The following DEXI variants were observed in gnomAD, a reference collection of about 807,000 sequenced individuals.
DEXI encodes dexamethasone-induced protein.
In DEXI, 2 loss-of-function variants were observed where a neutral mutation model predicts 2.5. That is an observed-to-expected ratio of 0.81 (90% CI 0.33 to 2.55). DEXI has a LOEUF of 2.55. Among genes scored for constraint, DEXI ranks in the 30% most tolerant of loss-of-function variants. DEXI has a pLI of 0.11. For synonymous variants in DEXI, 71 were observed against 68.7 expected (o/e 1.03, Z -0.17); for missense variants, 108 against 130.3 (o/e 0.83, Z 0.83).
rs1177393011 is a variant in DEXI, at chr16:10,937,833, C to G, written c.*149+3736G>C. On this transcript the variant is annotated intron_variant, in intron 1 of 1. Transcript: ENST00000331808. This position sits in a 1 kb window ranked among gnomAD's most constrained non-coding sequence, Gnocchi z 4.2. Reference sequence around the variant, plus strand: ...AACAATTAACACTCTAGGAAAACCACAGAGCCGGCTATCCAGGGTTCTGGT... The same window carrying G: ...AACAATTAACACTCTAGGAAAACCAGAGAGCCGGCTATCCAGGGTTCTGGT... 1.3e-5 allele frequency: 2 copies of G among 152,208 alleles called. No homozygotes were observed. The highest frequency in any genetic ancestry group is 1.3e-4 in the Admixed American group (2 of 15,280). 9.4% of individuals were successfully genotyped at this position (152,208 alleles called of 1,614,324 possible).
In DEXI at chr16:10,941,917, T is replaced by G. The variant is rs766875241; in HGVS notation, c.89A>C (p.Tyr30Ser). Residue 30 changes from tyrosine (Y) to serine (S), a missense_variant, in exon 1 of 2, where the codon TAC (tyrosine) becomes TCC (serine). Tyr to Ser is a moderately radical substitution (Grantham distance 144, BLOSUM62 -2). Coordinates refer to ENST00000331808, the MANE Select transcript of DEXI (RefSeq NM_014015.4). This position sits in a 1 kb window ranked among gnomAD's most constrained non-coding sequence, Gnocchi z 6.4. ...CACATTGACGAAGAACAGGCCCACGTAGAACATAGAGGGCAGCAGCGGCGG... is the reference window on the plus strand; with the variant it reads ...CACATTGACGAAGAACAGGCCCACGGAGAACATAGAGGGCAGCAGCGGCGG... ...VPPPLLPSMF[Y>S]VGLFFVNVLI... is the part of the protein sequence containing the mutation. 1 of 1,604,792 alleles carries G rather than the reference T, an allele frequency of 6.2e-7. No homozygotes were observed. The highest frequency in any genetic ancestry group is 1.7e-5 in the Admixed American group (1 of 58,664).
Position 10,941,025 on chromosome 16 carries a change from AG to A in DEXI, c.*149+543del, listed in dbSNP as rs774166604. The A allele has an allele frequency of 6.6e-6, 1 of 152,246 alleles. No individual in the cohort carries two copies. The highest frequency in any genetic ancestry group is 1.5e-5 in the Non-Finnish European group (1 of 68,068). The allele number at this position is 152,246 out of a possible 1,614,324, so 9.4% of individuals were successfully genotyped here. A position where few individuals can be genotyped will look rare whatever the true frequency, so the allele number is the denominator to read the frequency against. On this transcript the variant is annotated intron_variant, in intron 1 of 1. Transcript: ENST00000331808. The surrounding 1 kb of genome is among the most constrained non-coding windows in gnomAD (Gnocchi z 6.4). ...AAATAGCAGCAAACCCAAGGCCAAA[AG>A]GAAGTACGGGCTTCTTTGCTTGCGA... is the stretch of plus-strand genomic sequence containing the variant.
At chr16:10,932,842 C>T (rs1335281063) in intron 1 of DEXI, 2 of 151,978 alleles carry the variant, frequency 1.3e-5, no homozygotes, top group Non-Finnish European at 2.9e-5. Context: ...CGCATGTCAC[C>T]ATGCCTGGCT....
At chr16:10,936,733 A>G (rs1440725947) in intron 1 of DEXI, 2 of 152,200 alleles carry the variant, frequency 1.3e-5, no homozygotes, top group Admixed American at 1.3e-4. Flanking sequence ...CACCCCTCAA[A>G]CCCTCAGTGC....
At chr16:10,936,608 G>A (rs1394626579) in intron 1 of DEXI, 1 of 152,190 alleles carries the variant, frequency 6.6e-6, no homozygotes, top group Non-Finnish European at 1.5e-5. Context: ...AGAGGTTTTT[G>A]TTTGTTTGTT....
In DEXI at chr16:10,940,023, C is replaced by G. The variant is rs2041080012; in HGVS notation, c.*149+1546G>C. 6.6e-6 allele frequency: 1 copy of G among 152,274 alleles called. No homozygotes were observed. Among genetic ancestry groups the G allele is most frequent in the African/African-American group, 2.4e-5 (1 of 41,464 alleles). The allele number at this position is 152,274 out of a possible 1,614,324, so 9.4% of individuals were successfully genotyped here. ...GCAGAGCACCTGGCACACACTCCCC[C>G]TGGCACTTGGTTCTCGCTAAGATGT... On this transcript the variant is annotated intron_variant, in intron 1 of 1. Coordinates refer to ENST00000331808, the MANE Select transcript of DEXI (RefSeq NM_014015.4). This position sits in a 1 kb window ranked among gnomAD's most constrained non-coding sequence, Gnocchi z 4.2.
rs1226856347 is a variant in DEXI, at chr16:10,941,468, G to A, written c.*149+101C>T. 1 of 1,202,610 alleles carries A rather than the reference G, an allele frequency of 8.3e-7. No homozygotes were observed. Among genetic ancestry groups the A allele is most frequent in the Non-Finnish European group, 1.1e-6 (1 of 927,136 alleles). 74.5% of individuals were successfully genotyped at this position (1,202,610 alleles called of 1,614,324 possible). On this transcript the variant is annotated intron_variant, in intron 1 of 1. Coordinates refer to ENST00000331808, the MANE Select transcript of DEXI (RefSeq NM_014015.4). This position sits in a 1 kb window ranked among gnomAD's most constrained non-coding sequence, Gnocchi z 6.4. The stretch of plus-strand genomic sequence containing the variant: ...GTTAGACCTGGAGGAGGTGAACGGA[G>A]GAGAAGCCTGAGGGAGGGGTGTGTA...
intron 1 of DEXI, chr16:10,930,268 A>G (rs182916061): frequency 6.6e-6 from 1 of 152,352 alleles, no homozygotes; most frequent in East Asian, 1.9e-4. Context: ...CATCTCGCAG[A>G]ACTTGTATGT....
Position 10,940,958 on chromosome 16 carries a change from C to G in DEXI, c.*149+611G>C, listed in dbSNP as rs2041094905. 6.6e-6 allele frequency: 1 copy of G among 152,218 alleles called. No homozygotes were observed. The highest frequency in any genetic ancestry group is 2.4e-5 in the African/African-American group (1 of 41,446). The allele number at this position is 152,218 out of a possible 1,614,324, so 9.4% of individuals were successfully genotyped here. A position where few individuals can be genotyped will look rare whatever the true frequency, so the allele number is the denominator to read the frequency against. ...AACTGGCAGCCCCTGCAGTTCTGAG[C>G]TGCAGAACTGATGAGCTGGGGCACC... On this transcript the variant is annotated intron_variant, in intron 1 of 1. Transcript: ENST00000331808. The surrounding 1 kb of genome is among the most constrained non-coding windows in gnomAD (Gnocchi z 4.2).
chr16:10,936,740 G>A (rs1231167953), intron 1 of DEXI: 1 of 152,232 alleles, frequency 6.6e-6, no homozygotes, highest in Admixed American at 6.5e-5. Context: ...CAAACCCTCA[G>A]TGCTGTGGCC....
At chr16:10,930,477 G>A (rs1253826516) in intron 1 of DEXI, 1 of 152,164 alleles carries the variant, frequency 6.6e-6, no homozygotes, top group African/African-American at 2.4e-5. Context: ...GTCGACCTAA[G>A]GGGGCGGAAC....
At chr16:10,933,139 T>G (rs2040870672) in intron 1 of DEXI, 1 of 152,164 alleles carries the variant, frequency 6.6e-6, no homozygotes, top group Non-Finnish European at 1.5e-5. Context: ...GCCACTAGAT[T>G]TTTTTCCCCC....
At chr16:10,935,249 G>C (rs1488972252) in intron 1 of DEXI, 1 of 152,222 alleles carries the variant, frequency 6.6e-6, no homozygotes, top group African/African-American at 2.4e-5. Context: ...AAGTAACAAG[G>C]AATCACATAT....
chr16:10,931,504 T>A (rs2040793150), intron 1 of DEXI: 1 of 152,216 alleles, frequency 6.6e-6, no homozygotes, highest in South Asian at 2.1e-4. Flanking sequence ...ATCTGTAGGG[T>A]TACCTTCTAT....
rs114783216 is a variant in DEXI at position 10,940,194 on chromosome 16, A to G, written c.*149+1375T>C. 1.1e-3 allele frequency: 165 copies of G among 152,266 alleles called. No homozygotes were observed. The highest frequency in any genetic ancestry group is 3.7e-3 in the African/African-American group (155 of 41,536). 9.4% of individuals were successfully genotyped at this position (152,266 alleles called of 1,614,324 possible). ...CAGACTCAATGTTTGTGTCTCCTCA[A>G]ACTTCATATGTTGAAACTCTGATCC... On this transcript the variant is annotated intron_variant, in intron 1 of 1. Coordinates refer to ENST00000331808, the MANE Select transcript of DEXI (RefSeq NM_014015.4). The surrounding 1 kb of genome is among the most constrained non-coding windows in gnomAD (Gnocchi z 4.2).
At position 10,941,983 on chromosome 16, in the gene DEXI, G is replaced by A. The variant is rs748934755; in HGVS notation, c.23C>T (p.Ala8Val). 1.5e-5 allele frequency: 22 copies of A among 1,492,288 alleles called. No homozygotes were observed. The South Asian group carries it at 2.7e-4, about 18-fold the overall frequency. 92.4% of individuals were successfully genotyped at this position (1,492,288 alleles called of 1,614,324 possible). A position where few individuals can be genotyped will look rare whatever the true frequency, so the allele number is the denominator to read the frequency against. The stretch of plus-strand genomic sequence containing the variant: ...CAGGGGGCCCAGTGCGTCCAGGTGG[G>A]CCGCGACCCGGGCGCCGAGCATGCA... MLGARVA[A>V]HLDALGPLVP... The change falls in exon 1 of 2, where the codon GCC becomes GTC. Residue 8 changes from alanine to valine, a missense_variant. Physicochemically the swap from Ala to Val is moderately conservative, Grantham distance 64 (BLOSUM62 0). Coordinates refer to ENST00000331808, the MANE Select transcript of DEXI (RefSeq NM_014015.4). This position sits in a 1 kb window ranked among gnomAD's most constrained non-coding sequence, Gnocchi z 6.4.
In DEXI at chr16:10,929,247, G is replaced by T. The variant is rs977268740; in HGVS notation, c.*462C>A. The T allele has an allele frequency of 9.1e-6, 9 of 985,818 alleles. No individual in the cohort carries two copies. The African/African-American group carries it at 1.6e-4, about 17-fold the overall frequency. The allele number at this position is 985,818 out of a possible 1,614,324, so 61.1% of individuals were successfully genotyped here. On this transcript the variant is annotated 3_prime_UTR_variant, in exon 2 of 2. Coordinates refer to ENST00000331808, the MANE Select transcript of DEXI (RefSeq NM_014015.4). The surrounding 1 kb of genome is among the most constrained non-coding windows in gnomAD (Gnocchi z 4.3). ...ACGGAGCTGGGAGTCGCTTTTGCGT[G>T]TGTCCGCAGTTTGAAGTGTCCTCTC...
rs2040947456 is a variant in DEXI at position 10,934,611 on chromosome 16, G to A, written c.*150-5052C>T. 1 of 152,220 alleles carries A rather than the reference G, an allele frequency of 6.6e-6. No homozygotes were observed. The highest frequency in any genetic ancestry group is 2.1e-4 in the South Asian group (1 of 4,836). 9.4% of individuals were successfully genotyped at this position (152,220 alleles called of 1,614,324 possible). The stretch of plus-strand genomic sequence containing the variant: ...AGATGGGTATCTGAGATGAGTCATC[G>A]AACTTCTGCAAGCCTCAGTTTCCTC... On this transcript the variant is annotated intron_variant, in intron 1 of 1. Coordinates refer to ENST00000331808, the MANE Select transcript of DEXI (RefSeq NM_014015.4). This position sits in a 1 kb window ranked among gnomAD's most constrained non-coding sequence, Gnocchi z 4.2.
chr16:10,933,695 C>T (rs1021545009), intron 1 of DEXI: 2 of 152,358 alleles, frequency 1.3e-5, no homozygotes, highest in Admixed American at 6.5e-5. Context: ...GGCAGGGAAC[C>T]TTCTCAAGGC....
Sources: gnomAD v4.1 joint callset for allele counts on GRCh38, gnomAD v4.1.1 for gene constraint, Gnocchi (gnomAD v3.1) non-coding constraint, MANE v1.5 for transcripts, NCBI Gene and HGNC (gene_info 2026-07-23, HGNC 2026-07-21) for gene names.